Variants in LDLRAD3 observed in about 807,000 individuals in gnomAD.
LDLRAD3 encodes low density lipoprotein receptor class A domain containing 3, also known as low-density lipoprotein receptor class A domain-containing protein 3.
Under a neutral mutation model 29.4 loss-of-function variants are expected in LDLRAD3, and 20 were observed. The observed-to-expected ratio is 0.68, with a 90% CI of 0.48 to 0.99. The LOEUF is 0.99. Among genes scored for constraint, LDLRAD3 ranks in the 50% least tolerant of loss-of-function variants. The pLI is 0.00. For synonymous variants in LDLRAD3, 157 were observed against 192.7 expected (o/e 0.81, Z 1.53); for missense variants, 420 against 454.3 (o/e 0.92, Z 0.69).
intron 4 of LDLRAD3, among the ~76,000 whole-genome samples, chr11:36,099,110 C>T (rs763562744): frequency 6.6e-6 from 1 of 151,936 alleles, no homozygotes; most frequent in Non-Finnish European, 1.5e-5. Flanking sequence ...TGTTTGTTTA[C>T]TGCTTTGTTT....
intron 4 of LDLRAD3, among the ~76,000 whole-genome samples, chr11:36,135,834 C>T (rs947534699): frequency 2.0e-5 from 3 of 152,012 alleles, no homozygotes; most frequent in African/African-American, 4.8e-5. Flanking sequence ...CGTTTGAACC[C>T]GGGAGGCAGA....
chr11:36,084,891 T>C (rs1853172528), intron 3 of LDLRAD3, among the ~76,000 whole-genome samples: 1 of 152,230 alleles, frequency 6.6e-6, no homozygotes, highest in South Asian at 2.1e-4. Flanking sequence ...CGCTTTAGAG[T>C]ATAGTTGTCT....
chr11:35,988,266 C>G (rs1017568036), intron 1 of LDLRAD3, among the ~76,000 whole-genome samples: 3 of 152,076 alleles, frequency 2.0e-5, no homozygotes, highest in Admixed American at 1.3e-4. Context: ...CACTATGTTG[C>G]CCAGGCTGGT....
intron 4 of LDLRAD3, among the ~76,000 whole-genome samples, chr11:36,116,978 A>T (rs1235532065): frequency 6.6e-6 from 1 of 151,712 alleles, no homozygotes; most frequent in East Asian, 1.9e-4. Context: ...AGTAGCTGGG[A>T]CTACAGGCGC....
intron 3 of LDLRAD3, among the ~76,000 whole-genome samples, chr11:36,082,332 A>T (rs1021305330): frequency 1.1e-4 from 17 of 152,044 alleles, no homozygotes; most frequent in African/African-American, 4.1e-4. Flanking sequence ...AACAAGGTAA[A>T]ACCCCATCTC....
chr11:35,948,437 C>CGTGTGTGT (rs140009978), intron 1 of LDLRAD3, among the ~76,000 whole-genome samples: 5 of 147,300 alleles, frequency 3.4e-5, no homozygotes, highest in African/African-American at 7.5e-5. Flanking sequence ...GTTGGCTGAT[C>CGTGTGTGT]GTGTGTGTGT....
chr11:36,180,471 G>A (rs1450745239), intron 4 of LDLRAD3, among the ~76,000 whole-genome samples: 1 of 152,178 alleles, frequency 6.6e-6, no homozygotes, highest in Admixed American at 6.5e-5. Context: ...GTAGAAGTAA[G>A]TAGGAAGGTG....
At chr11:36,059,859 A>AC (rs1177775385) in intron 2 of LDLRAD3, among the ~76,000 whole-genome samples, 4 of 152,124 alleles carry the variant, frequency 2.6e-5, no homozygotes, top group Admixed American at 1.3e-4. Flanking sequence ...GGCTCTATCC[A>AC]CCCATGCTTA....
chr11:36,020,456 T>C lies in LDLRAD3; in HGVS notation c.47-15647T>C, dbSNP rs112464069. On this transcript the variant is annotated intron_variant, in intron 1 of 5. Coordinates refer to ENST00000315571, the MANE Select transcript of LDLRAD3 (RefSeq NM_174902.4). Reference sequence around the variant, plus strand: ...ATTTGAAGGAATAATCCACAAAATGTTTATAGTATTTTAGCACAGGGAAGC... The same window carrying C: ...ATTTGAAGGAATAATCCACAAAATGCTTATAGTATTTTAGCACAGGGAAGC... Among the ~76,000 whole-genome samples, 157 of 152,178 alleles carry C rather than the reference T, an allele frequency of 1.0e-3. 1 individual carries two copies. Among genetic ancestry groups the C allele is most frequent in the African/African-American group, 3.5e-3 (146 of 41,494 alleles).
At chr11:36,155,856 G>A (rs548742778) in intron 4 of LDLRAD3, among the ~76,000 whole-genome samples, 1 of 152,058 alleles carries the variant, frequency 6.6e-6, no homozygotes, top group Non-Finnish European at 1.5e-5. Flanking sequence ...GCCTAGTCTT[G>A]GTCCTTAAAA....
chr11:36,229,381 G>A lies in LDLRAD3; in HGVS notation c.1022G>A (p.Gly341Asp), dbSNP rs1855545623. 4.3e-6 allele frequency: 7 copies of A among 1,611,586 alleles called. No homozygotes were observed. Among genetic ancestry groups the A allele is most frequent in the Non-Finnish European group, 3.4e-6 (4 of 1,178,124 alleles). ...AEPRDSEPSQ[G>D]TEEV ...CCCAGGGACTCTGAGCCCAGCCAGG[G>A]CACTGAAGAAGTATAAGTCCCAGTT... The change falls in exon 6 of 6, where the codon GGC becomes GAC. Residue 341 changes from glycine (G) to aspartate (D), a missense_variant. By Grantham distance (94) the Gly-to-Asp change is moderately conservative. Transcript: ENST00000315571.
At chr11:35,960,677 A>T (rs981976985) in intron 1 of LDLRAD3, among the ~76,000 whole-genome samples, 1 of 151,784 alleles carries the variant, frequency 6.6e-6, no homozygotes. Context: ...GCTCACTGCA[A>T]CCCCCCGCCT....
intron 1 of LDLRAD3, among the ~76,000 whole-genome samples, chr11:36,021,972 C>A (rs988508871): frequency 6.6e-6 from 1 of 152,166 alleles, no homozygotes; most frequent in African/African-American, 2.4e-5. Context: ...AAAGGTTAAT[C>A]ATGGTCTCAG....
chr11:36,145,562 AAG>A (rs983650412), intron 4 of LDLRAD3, among the ~76,000 whole-genome samples: 7 of 143,962 alleles, frequency 4.9e-5, no homozygotes, highest in African/African-American at 9.9e-5. Flanking sequence ...GTGGAATAGA[AAG>A]GGGGGAAAAG....
At position 36,212,272 on chromosome 11, in the gene LDLRAD3, C is replaced by A. The variant is rs1338373481; in HGVS notation, c.455-14813C>A. Among the ~76,000 whole-genome samples, 3 of 152,182 alleles carry A rather than the reference C, an allele frequency of 2.0e-5. No homozygotes were observed. In the East Asian group the frequency reaches 5.8e-4, roughly 29 times the overall value. ...TGATCCCGGTGCAGGTGCATGAGCT[C>A]ATTACCAAGTCCCACCCCCTTCCCG... On this transcript the variant is annotated intron_variant, in intron 4 of 5. Coordinates refer to ENST00000315571, the MANE Select transcript of LDLRAD3 (RefSeq NM_174902.4).
intron 4 of LDLRAD3, among the ~76,000 whole-genome samples, chr11:36,215,137 G>A (rs757234050): frequency 4.6e-5 from 7 of 152,194 alleles, no homozygotes; most frequent in Non-Finnish European, 8.8e-5. Flanking sequence ...CTAAGCAGAC[G>A]GCAAGGGCCC....
chr11:36,047,929 T>TCTCA (rs1023886050), intron 2 of LDLRAD3, among the ~76,000 whole-genome samples: 6 of 152,160 alleles, frequency 3.9e-5, no homozygotes, highest in Non-Finnish European at 7.3e-5. Flanking sequence ...CTTCTTGGAA[T>TCTCA]CTCAGTTCCT....
intron 4 of LDLRAD3, among the ~76,000 whole-genome samples, chr11:36,113,997 C>G (rs1182519909): frequency 6.6e-6 from 1 of 152,102 alleles, no homozygotes; most frequent in East Asian, 1.9e-4. Context: ...CTCTATTGAT[C>G]AAAATAGTCA....
At chr11:36,077,129 G>A (rs563750724) in intron 2 of LDLRAD3, among the ~76,000 whole-genome samples, 11 of 152,202 alleles carry the variant, frequency 7.2e-5, no homozygotes, top group South Asian at 6.2e-4. Flanking sequence ...AGATATACTC[G>A]GAGAAATGTG....
Sources: gnomAD v4.1 joint callset for allele counts (sites outside exome capture counted in the v4.1 genomes callset) on GRCh38, gnomAD v4.1.1 for gene constraint, MANE v1.5 for transcripts, NCBI Gene and HGNC (gene_info 2026-07-23, HGNC 2026-07-21) for gene names.